Variants in IRAK2 observed in about 807,000 individuals in gnomAD.
IRAK2 encodes interleukin-1 receptor-associated kinase-like 2.
In IRAK2, 57 loss-of-function variants were observed where a neutral mutation model predicts 72.0. That is an observed-to-expected ratio of 0.79 (90% confidence interval 0.64 to 0.99). The LOEUF (loss-of-function observed/expected upper bound fraction) is 0.99, where lower values mean the gene tolerates loss of function less well. Ranked by LOEUF, IRAK2 falls within the 50% of genes least tolerant of loss-of-function variation. The pLI, the probability that IRAK2 is intolerant of heterozygous loss-of-function variation, is 0.00. For missense variants in IRAK2, 790 were observed against 794.4 expected, an observed-to-expected ratio of 0.99 and a Z score of 0.07; for synonymous variants, 293 against 312.7, an observed-to-expected ratio of 0.94 and a Z score of 0.67.
intron 4 of IRAK2, among the ~76,000 whole-genome samples, chr3:10,210,103 T>C (rs1429295645): frequency 6.6e-6 from 1 of 152,164 alleles, no homozygotes; most frequent in Non-Finnish European, 1.5e-5. Context: ...GTATTTTTAG[T>C]AGAGACGGGG....
intron 2 of IRAK2, among the ~76,000 whole-genome samples, chr3:10,198,200 A>AAAAACAAAACAAAAC (rs1402798806): frequency 6.6e-6 from 1 of 152,270 alleles, no homozygotes; most frequent in Admixed American, 6.5e-5. Flanking sequence ...CTCCGTCTCA[A>AAAAACAAAACAAAAC]AAAACAAAAC....
rs1697437270 is a variant in IRAK2, at chr3:10,206,582, G to A, written c.425-3007G>A. On this transcript the variant is annotated intron_variant, in intron 3 of 12. Coordinates refer to ENST00000256458, the MANE Select transcript of IRAK2 (RefSeq NM_001570.4). ...TTTGTTTTTTGTTTTTTGAGACTGA[G>A]TCTCGCTCTGTTGCCCAGGTTGGAG... Among the ~76,000 whole-genome samples, 2 of 152,226 alleles carry A rather than the reference G, an allele frequency of 1.3e-5. 1 individual carries two copies. The highest frequency in any genetic ancestry group is 4.1e-4 in the South Asian group (2 of 4,834).
chr3:10,234,651 C>G lies in IRAK2; in HGVS notation c.1465C>G (p.Leu489Val). ...GTGCCTGCGGAGGCGTAACACCAGC[C>G]TGCAGGAGGTGAGCCTCGCCCGCAG... ...CLCLRRRNTS[L>V]QEVCGSVAAV... is the part of the protein sequence containing the mutation. Residue 489 changes from leucine to valine, a missense_variant, in exon 11 of 13, where the codon CTG becomes GTG. Coordinates refer to ENST00000256458, the MANE Select transcript of IRAK2 (RefSeq NM_001570.4). 6.2e-7 allele frequency: 1 copy of G among 1,612,296 alleles called. No individual in the cohort carries two copies. The highest frequency in any genetic ancestry group is 1.1e-5 in the South Asian group (1 of 91,042).
intron 2 of IRAK2, among the ~76,000 whole-genome samples, chr3:10,189,114 A>G (rs1244662568): frequency 6.6e-6 from 1 of 152,242 alleles, no homozygotes; most frequent in African/African-American, 2.4e-5. Context: ...CCACTGCAGT[A>G]TGAGTGCTCA....
chr3:10,212,660 G>C (rs962704429), intron 4 of IRAK2, among the ~76,000 whole-genome samples: 12 of 151,966 alleles, frequency 7.9e-5, no homozygotes, highest in Admixed American at 2.6e-4. Flanking sequence ...CTTCATTTTT[G>C]CTGATGGAAA....
chr3:10,164,931 C>A lies in IRAK2; in HGVS notation c.-24C>A, dbSNP rs1250411284. ...CAGTGTCCGACCCAGTCGTCCCGCG[C>A]CGGAGCCGGCCCCGTAGCGTGCCAT... is the stretch of plus-strand genomic sequence containing the variant. On this transcript the variant is annotated 5_prime_UTR_variant, in exon 1 of 13. Transcript: ENST00000256458. The A allele has an allele frequency of 2.5e-6, 4 of 1,573,288 alleles. No individual in the cohort carries two copies. The highest frequency in any genetic ancestry group is 3.5e-5 in the Admixed American group (2 of 56,400).
chr3:10,205,632 A>G (rs1697423236), intron 3 of IRAK2, among the ~76,000 whole-genome samples: 1 of 152,248 alleles, frequency 6.6e-6, no homozygotes, highest in East Asian at 1.9e-4. Context: ...AACTCAAGTT[A>G]GTCTGGAGCA....
At chr3:10,201,004 T>C (rs1405580051) in intron 3 of IRAK2, among the ~76,000 whole-genome samples, 1 of 152,204 alleles carries the variant, frequency 6.6e-6, no homozygotes, top group Non-Finnish European at 1.5e-5. Context: ...CATATGTACA[T>C]GGAAACATAC....
chr3:10,194,108 A>G (rs1697225639), intron 2 of IRAK2, among the ~76,000 whole-genome samples: 1 of 152,194 alleles, frequency 6.6e-6, no homozygotes, highest in African/African-American at 2.4e-5. Context: ...ATTTGTCATC[A>G]TGGAGCCCTG....
intron 3 of IRAK2, among the ~76,000 whole-genome samples, chr3:10,205,661 C>T (rs1697423663): frequency 6.6e-6 from 1 of 152,222 alleles, no homozygotes; most frequent in Non-Finnish European, 1.5e-5. Flanking sequence ...CAGTGTGGGG[C>T]CCACACCTGC....
chr3:10,189,916 C>T (rs576450013), intron 2 of IRAK2, among the ~76,000 whole-genome samples: 15 of 152,114 alleles, frequency 9.9e-5, no homozygotes, highest in African/African-American at 1.4e-4. Flanking sequence ...CCACTGGAGG[C>T]GACACTGTTT....
In IRAK2 at chr3:10,243,574, T is replaced by C. The variant is rs553418831; in HGVS notation, c.*1346T>C. 2.6e-5 allele frequency: 4 copies of C among 152,802 alleles called. No homozygotes were observed. Among genetic ancestry groups the C allele is most frequent in the African/African-American group, 7.2e-5 (3 of 41,590 alleles). 9.5% of individuals were successfully genotyped at this position (152,802 alleles called of 1,614,324 possible). On this transcript the variant is annotated 3_prime_UTR_variant, in exon 13 of 13. Transcript: ENST00000256458. Reference sequence around the variant, plus strand: ...TTGTAAAATAAAAAGGTATTAAATGTGTATTTCTGCCATGTACCTAATGAT... The same window carrying C: ...TTGTAAAATAAAAAGGTATTAAATGCGTATTTCTGCCATGTACCTAATGAT...
chr3:10,171,854 C>T (rs1034689208), intron 1 of IRAK2, among the ~76,000 whole-genome samples: 3 of 151,592 alleles, frequency 2.0e-5, no homozygotes, highest in African/African-American at 7.3e-5. Flanking sequence ...CAACCTCGGC[C>T]TCCTGGGTTC....
chr3:10,207,822 A>G (rs1286896004), intron 3 of IRAK2, among the ~76,000 whole-genome samples: 2 of 151,938 alleles, frequency 1.3e-5, no homozygotes, highest in African/African-American at 4.8e-5. Context: ...GTGAAACCCC[A>G]TCTCTAATAA....
chr3:10,222,762 G>T lies in IRAK2; in HGVS notation c.1140G>T (p.Ala380=), dbSNP rs746265701. ...CTCACCTGCTCCGGACGTCAGCCGC[G>T]TATCTGCCAGAGGATTTCATCCGGG... ...MKTHLLRTSA[A]YLPEDFIRVG... The change falls in exon 9 of 13, where the codon GCG becomes GCT. Residue 380 remains alanine, a synonymous_variant. Transcript: ENST00000256458. The T allele has an allele frequency of 5.6e-6, 9 of 1,614,158 alleles. No individual in the cohort carries two copies. Among genetic ancestry groups the T allele is most frequent in the Non-Finnish European group, 7.6e-6 (9 of 1,180,004 alleles).
chr3:10,226,168 C>T (rs1316921225), intron 9 of IRAK2, among the ~76,000 whole-genome samples: 1 of 152,158 alleles, frequency 6.6e-6, no homozygotes, highest in Non-Finnish European at 1.5e-5. Flanking sequence ...TTAATTACAA[C>T]CTTCCACTGG....
chr3:10,211,669 AATC>A (rs1697523986), intron 4 of IRAK2, among the ~76,000 whole-genome samples: 1 of 152,152 alleles, frequency 6.6e-6, no homozygotes, highest in East Asian at 1.9e-4. Flanking sequence ...TTGTTAAATA[AATC>A]CTAGTATATC....
intron 10 of IRAK2, among the ~76,000 whole-genome samples, chr3:10,228,628 CT>C (rs1445993882): frequency 6.6e-6 from 1 of 152,134 alleles, no homozygotes; most frequent in Non-Finnish European, 1.5e-5. Flanking sequence ...AATGTAGTTT[CT>C]TTCTCTTATT....
intron 2 of IRAK2, among the ~76,000 whole-genome samples, chr3:10,194,095 C>T (rs1697225280): frequency 6.6e-6 from 1 of 152,228 alleles, no homozygotes; most frequent in South Asian, 2.1e-4. Context: ...CCAGCCACTT[C>T]ACATTTGTCA....
Sources: allele counts gnomAD v4.1 joint callset (sites outside exome capture counted in the v4.1 genomes callset), GRCh38; gene constraint gnomAD v4.1.1; transcripts MANE v1.5; gene names NCBI Gene and HGNC (gene_info 2026-07-23, HGNC 2026-07-21).